RBBP6: variants seen among roughly 807,000 people sequenced by gnomAD.
The protein encoded by RBBP6 is E3 ubiquitin-protein ligase RBBP6.
Under a neutral mutation model 167.7 loss-of-function variants are expected in RBBP6, and 25 were observed. The ratio of observed to expected loss-of-function variants is 0.15; its 90% confidence interval spans 0.11 to 0.21. The LOEUF is 0.21. Among genes scored for constraint, RBBP6 ranks in the 10% least tolerant of loss-of-function variants. The probability of loss-of-function intolerance (pLI) is 1.00; values close to 1 mark genes in which losing one functional copy is unlikely to be tolerated. For missense variants in RBBP6, 1,868 were observed against 2,134.2 expected, an observed-to-expected ratio of 0.88 and a Z score of 2.46; for synonymous variants, 789 against 735.8, an observed-to-expected ratio of 1.07 and a Z score of -1.17.
chr16:24,563,062 C>G (rs776356998), intron 10 of RBBP6, 137 bp from the exon 11 acceptor site: 9 of 610,908 alleles, frequency 1.5e-5, no homozygotes, highest in Non-Finnish European at 2.2e-5. Context: ...CCTTCTCTCA[C>G]TTTCCTCAGA....
intron 7 of RBBP6, among the ~76,000 whole-genome samples, chr16:24,557,652 A>C (rs1475898248): frequency 6.6e-6 from 1 of 152,028 alleles, no homozygotes; most frequent in Non-Finnish European, 1.5e-5. Flanking sequence ...CTACATTTTT[A>C]ACAGGTTGTC....
chr16:24,556,454 A>T lies in RBBP6; in HGVS notation c.674+7A>T. 1 of 1,611,524 alleles carries T rather than the reference A, an allele frequency of 6.2e-7. No homozygotes were observed. ...CAATACCAACTATAGATGCGTAAGT[A>T]TGCAAATTAGGTATGACCTGTGGAG... On this transcript the variant is annotated splice_region_variant and intron_variant, in intron 7 of 17. Coordinates refer to ENST00000319715, the MANE Select transcript of RBBP6 (RefSeq NM_006910.5).
At chr16:24,544,907 C>T (rs1369726138) in intron 1 of RBBP6, among the ~76,000 whole-genome samples, 1 of 152,138 alleles carries the variant, frequency 6.6e-6, no homozygotes, top group African/African-American at 2.4e-5. Flanking sequence ...TTCATCTCCC[C>T]CATATTCGGT....
At chr16:24,546,654 C>T (rs1898661164) in intron 2 of RBBP6, among the ~76,000 whole-genome samples, 1 of 152,102 alleles carries the variant, frequency 6.6e-6, no homozygotes. Flanking sequence ...CAAGAGTATT[C>T]AGTAATGCTA....
At chr16:24,544,072 A>G (rs980665097) in intron 1 of RBBP6, among the ~76,000 whole-genome samples, 12 of 152,206 alleles carry the variant, frequency 7.9e-5, no homozygotes, top group Non-Finnish European at 1.6e-4. Flanking sequence ...CAGTTAGAAC[A>G]TCTGTTTTGA....
At chr16:24,555,726 C>T (rs915728122) in intron 5 of RBBP6, 23 bp downstream of exon 5, 1 of 1,604,028 alleles carries the variant, frequency 6.2e-7, no homozygotes, top group Non-Finnish European at 8.5e-7. Context: ...ATATTTTATA[C>T]TAATAGGAAC....
chr16:24,560,297 GGGGTTTCACTGT>G (rs1455768383), intron 8 of RBBP6, among the ~76,000 whole-genome samples: 2 of 152,084 alleles, frequency 1.3e-5, no homozygotes, highest in Admixed American at 6.6e-5. Context: ...TAGTAGAGAC[GGGGTTTCACTGT>G]GTTAGCCAGG....
chr16:24,555,501 T>C (rs976953810), intron 4 of RBBP6, 114 bp from the exon 5 acceptor site: 1 of 808,306 alleles, frequency 1.2e-6, no homozygotes, highest in African/African-American at 1.7e-5. Flanking sequence ...AAATAGCTGT[T>C]TTTATGCAAG....
chr16:24,564,362 T>G (rs973413077), intron 13 of RBBP6, among the ~76,000 whole-genome samples: 1 of 152,182 alleles, frequency 6.6e-6, no homozygotes. Flanking sequence ...CTCCTTCATT[T>G]CCTAGCTGCA....
At chr16:24,560,910 A>G (rs1213606615) in intron 8 of RBBP6, among the ~76,000 whole-genome samples, 1 of 152,148 alleles carries the variant, frequency 6.6e-6, no homozygotes, top group Non-Finnish European at 1.5e-5. Context: ...ATACCTGTAA[A>G]TCTTTATTTT....
Position 24,572,714 on chromosome 16 carries a change from T to A in RBBP6, c.*269T>A. On this transcript the variant is annotated 3_prime_UTR_variant, in exon 18 of 18. Coordinates refer to ENST00000319715, the MANE Select transcript of RBBP6 (RefSeq NM_006910.5). ...TAATTAGTTGGGGTGGAGTTTACTGTAATGTGAAATTTTCACATTTGAATT... is the reference window on the plus strand; with the variant it reads ...TAATTAGTTGGGGTGGAGTTTACTGAAATGTGAAATTTTCACATTTGAATT... The A allele has an allele frequency of 3.3e-6, 1 of 302,586 alleles. No individual in the cohort carries two copies. The highest frequency in any genetic ancestry group is 5.9e-5 in the East Asian group (1 of 17,092). 18.7% of individuals were successfully genotyped at this position (302,586 alleles called of 1,614,324 possible).
At chr16:24,564,234 C>A (rs1381511223) in intron 13 of RBBP6, among the ~76,000 whole-genome samples, 1 of 152,070 alleles carries the variant, frequency 6.6e-6, no homozygotes, top group African/African-American at 2.4e-5. Flanking sequence ...ATAATTATTT[C>A]TGTTTATATA....
At chr16:24,542,904 A>C (rs953423846) in intron 1 of RBBP6, among the ~76,000 whole-genome samples, 2 of 152,188 alleles carry the variant, frequency 1.3e-5, no homozygotes, top group African/African-American at 4.8e-5. Context: ...TTTGCCCAGC[A>C]CATTTTCTTT....
intron 2 of RBBP6, among the ~76,000 whole-genome samples, chr16:24,548,312 G>A (rs1175061316): frequency 1.6e-5 from 2 of 124,002 alleles, no homozygotes; most frequent in African/African-American, 3.4e-5. Flanking sequence ...GAGAATTTTT[G>A]TTCAGTTTTT....
At chr16:24,560,835 C>G (rs187161115) in intron 8 of RBBP6, among the ~76,000 whole-genome samples, 5 of 152,262 alleles carry the variant, frequency 3.3e-5, no homozygotes, top group Admixed American at 1.3e-4. Flanking sequence ...GCCTTTGGGG[C>G]AGTTGAGTGA....
chr16:24,563,541 A>G, intron 12 of RBBP6, 40 bp downstream of exon 12: 1 of 1,611,508 alleles, frequency 6.2e-7, no homozygotes, highest in Non-Finnish European at 8.5e-7. Flanking sequence ...TTTCCCTTTA[A>G]AAAATAATTT....
Position 24,570,159 on chromosome 16 carries a change from G to T in RBBP6, c.3469G>T (p.Asp1157Tyr). Reference sequence around the variant, plus strand: ...AAGAAAAACTGAAGAAAAAGGCGTAGATAAAGATTTTGAGTCTTCTTCAAT... The same window carrying T: ...AAGAAAAACTGAAGAAAAAGGCGTATATAAAGATTTTGAGTCTTCTTCAAT... The part of the protein sequence containing the change: ...RKRKTEEKGV[D>Y]KDFESSSMKI... Residue 1157 changes from aspartate (D) to tyrosine (Y), a missense_variant, in exon 17 of 18, where the codon GAT becomes TAT. Around this residue, in one of 7 missense-constraint regions of RBBP6, gnomAD observed 673 missense variants for 691.5 expected, o/e 0.97. Coordinates refer to ENST00000319715, the MANE Select transcript of RBBP6 (RefSeq NM_006910.5). 13 of 1,594,282 alleles carry T rather than the reference G, an allele frequency of 8.2e-6. No homozygotes were observed. Among genetic ancestry groups the T allele is most frequent in the Non-Finnish European group, 1.1e-5 (13 of 1,175,458 alleles).
rs1045255668 is a variant in RBBP6, at chr16:24,540,542, C to G, written c.-85C>G. 1 of 1,358,692 alleles carries G rather than the reference C, an allele frequency of 7.4e-7. No homozygotes were observed. Among genetic ancestry groups the G allele is most frequent in the African/African-American group, 1.5e-5 (1 of 68,492 alleles). The allele number at this position is 1,358,692 out of a possible 1,614,324, so 84.2% of individuals were successfully genotyped here. A position where few individuals can be genotyped will look rare whatever the true frequency, so the allele number is the denominator to read the frequency against. ...GGTGTCTTTGAGTGTTTTGTGTGTA[C>G]ATATTTTGCTCTTAAAGTTTATAAA... On this transcript the variant is annotated 5_prime_UTR_variant, in exon 1 of 18. Transcript: ENST00000319715.
intron 11 of RBBP6, 30 bp from the exon 12 acceptor site, chr16:24,563,393 A>G: frequency 7.8e-7 from 1 of 1,283,812 alleles, no homozygotes; most frequent in Non-Finnish European, 1.0e-6. Flanking sequence ...TTTTTTAACT[A>G]TTTCTGTTTA....
Sources: gnomAD v4.1 joint callset for allele counts (sites outside exome capture counted in the v4.1 genomes callset) on GRCh38, gnomAD v4.1.1 for gene constraint, gnomAD v4.1.1 regional missense constraint, MANE v1.5 for transcripts, NCBI Gene and HGNC (gene_info 2026-07-23, HGNC 2026-07-21) for gene names.